The following TASP1 variants were observed in gnomAD, a reference collection of about 807,000 sequenced individuals.
TASP1 encodes threonine aspartase 1.
TASP1 carries 16 observed loss-of-function variants against 56.6 expected under a neutral mutation model. That is an observed-to-expected ratio of 0.28 (90% confidence interval 0.19 to 0.43). TASP1 has a LOEUF of 0.43. Ranked by LOEUF, TASP1 falls within the 20% of genes least tolerant of loss-of-function variation. TASP1 has a pLI of 1.00. For synonymous variants in TASP1, 179 were observed against 184.2 expected (o/e 0.97, Z 0.23); for missense variants, 393 against 511.6 (o/e 0.77, Z 2.24).
At chr20:13,509,280 C>T (rs981847343) in intron 10 of TASP1, among the ~76,000 whole-genome samples, 2 of 151,922 alleles carry the variant, frequency 1.3e-5, no homozygotes, top group African/African-American at 4.8e-5. Flanking sequence ...CATGTTCTCA[C>T]TTATATATAA....
At chr20:13,356,802 A>C in the TASP1 span, among the ~76,000 whole-genome samples, 3 of 152,168 alleles carry the variant, frequency 2.0e-5, no homozygotes, top group Non-Finnish European at 4.4e-5. Context: ...TTCCTTCCAC[A>C]ATACCACCAA....
intron 4 of TASP1, among the ~76,000 whole-genome samples, chr20:13,596,684 G>C (rs769142316): frequency 6.6e-6 from 1 of 152,150 alleles, no homozygotes; most frequent in Non-Finnish European, 1.5e-5. Flanking sequence ...ACTAAGTTTA[G>C]AGCAGAACTG....
chr20:13,238,382 A>T, the TASP1 span, among the ~76,000 whole-genome samples: 1 of 152,196 alleles, frequency 6.6e-6, no homozygotes, highest in Non-Finnish European at 1.5e-5. Context: ...ATCAGGCAAA[A>T]TGGCAAAATT....
intron 4 of TASP1, among the ~76,000 whole-genome samples, chr20:13,617,501 C>A (rs2048563472): frequency 6.6e-6 from 1 of 152,094 alleles, no homozygotes; most frequent in South Asian, 2.1e-4. Context: ...TTAATGAGCA[C>A]TTACGTAAAT....
At chr20:13,312,160 T>C in the TASP1 span, among the ~76,000 whole-genome samples, 1 of 152,228 alleles carries the variant, frequency 6.6e-6, no homozygotes, top group Non-Finnish European at 1.5e-5. Flanking sequence ...CGTTATCTTC[T>C]GTATATGTGA....
chr20:13,553,657 T>A (rs891182491), intron 8 of TASP1, among the ~76,000 whole-genome samples: 13 of 152,208 alleles, frequency 8.5e-5, no homozygotes, highest in Admixed American at 8.5e-4. Flanking sequence ...AATCTATACA[T>A]CCTAAAAGCA....
chr20:13,505,515 G>T (rs1015364834), intron 10 of TASP1, among the ~76,000 whole-genome samples: 2 of 152,016 alleles, frequency 1.3e-5, no homozygotes, highest in African/African-American at 4.8e-5. Context: ...TCCAGGATGT[G>T]CTAGGCCACA....
At chr20:13,203,313 G>A in the TASP1 span, among the ~76,000 whole-genome samples, 12 of 152,238 alleles carry the variant, frequency 7.9e-5, no homozygotes, top group East Asian at 3.9e-4. Context: ...TTATAAGCTC[G>A]ATAATGCCAC....
At chr20:13,353,368 T>C in the TASP1 span, among the ~76,000 whole-genome samples, 3 of 152,164 alleles carry the variant, frequency 2.0e-5, no homozygotes, top group Non-Finnish European at 4.4e-5. Context: ...CTTCCTATAC[T>C]ATTACTCACC....
intron 8 of TASP1, among the ~76,000 whole-genome samples, chr20:13,551,966 G>A (rs898201894): frequency 5.9e-5 from 9 of 152,162 alleles, no homozygotes; most frequent in Admixed American, 3.9e-4. Flanking sequence ...AATTATGGAA[G>A]ATACAGGAAC....
chr20:13,513,328 A>G (rs748836057), intron 10 of TASP1, among the ~76,000 whole-genome samples: 12 of 151,356 alleles, frequency 7.9e-5, no homozygotes, highest in Non-Finnish European at 1.3e-4. Flanking sequence ...TACGAGTAGT[A>G]TAAGTTCCAC....
the TASP1 span, among the ~76,000 whole-genome samples, chr20:13,118,205 C>A: frequency 6.6e-6 from 1 of 152,062 alleles, no homozygotes; most frequent in African/African-American, 2.4e-5. Context: ...ATTAGGGAGG[C>A]TGACCCTATG....
At chr20:13,585,734 T>C (rs957062980) in intron 5 of TASP1, among the ~76,000 whole-genome samples, 1 of 151,964 alleles carries the variant, frequency 6.6e-6, no homozygotes, top group Non-Finnish European at 1.5e-5. Flanking sequence ...GGATGCAGAG[T>C]AACTGAAAAG....
At chr20:13,350,622 T>A in the TASP1 span, among the ~76,000 whole-genome samples, 1 of 152,142 alleles carries the variant, frequency 6.6e-6, no homozygotes, top group African/African-American at 2.4e-5. Flanking sequence ...CATCATAATA[T>A]ATAAAGAATT....
chr20:13,193,926 G>A, the TASP1 span, among the ~76,000 whole-genome samples: 3 of 151,948 alleles, frequency 2.0e-5, no homozygotes, highest in Non-Finnish European at 4.4e-5. Context: ...TTATTGGCCA[G>A]AACTATGTTA....
At chr20:13,461,636 T>A (rs574434784) in intron 11 of TASP1, among the ~76,000 whole-genome samples, 1 of 152,246 alleles carries the variant, frequency 6.6e-6, no homozygotes, top group South Asian at 2.1e-4. Flanking sequence ...CGAAAGCAGT[T>A]ATGGACTGTA....
At chr20:13,270,829 C>T in the TASP1 span, 1 of 1,302,828 alleles carries the variant, frequency 7.7e-7, no homozygotes, top group South Asian at 1.3e-5. Flanking sequence ...TGCTGCCTTA[C>T]CTCACTTTTC....
At chr20:13,503,369 T>C (rs545301283) in intron 10 of TASP1, among the ~76,000 whole-genome samples, 94 of 152,088 alleles carry the variant, frequency 6.2e-4, no homozygotes, top group Middle Eastern at 3.4e-3. Context: ...GCATAAAATA[T>C]TAAGAATACC....
chr20:13,560,431 A>C (rs1476651491), intron 7 of TASP1, among the ~76,000 whole-genome samples: 1 of 152,190 alleles, frequency 6.6e-6, no homozygotes, highest in Non-Finnish European at 1.5e-5. Context: ...CGTCAAGCCC[A>C]AAGCCCATTA....
Sources: allele counts gnomAD v4.1 joint callset (sites outside exome capture counted in the v4.1 genomes callset), GRCh38; gene constraint gnomAD v4.1.1; transcripts MANE v1.5; gene names NCBI Gene and HGNC (gene_info 2026-07-23, HGNC 2026-07-21).